The following CSMD1 variants were observed in gnomAD, a reference collection of about 807,000 sequenced individuals.
CSMD1 encodes CUB and sushi domain-containing protein 1.
A neutral mutation model predicts 417.5 loss-of-function variants in CSMD1; 213 were observed. The observed-to-expected ratio is 0.51, with a 90% confidence interval of 0.46 to 0.57. The LOEUF (loss-of-function observed/expected upper bound fraction) is 0.57, where lower values mean the gene tolerates loss of function less well. CSMD1 is among the 20% of genes least tolerant of loss of function. CSMD1 has a pLI of 0.00. For synonymous variants in CSMD1, 2,862 were observed against 1,736.8 expected, an observed-to-expected ratio of 1.65 and a Z score of -16.11; for missense variants, 6,923 against 4,529.7, an observed-to-expected ratio of 1.53 and a Z score of -15.17.
intron 5 of CSMD1, among the ~76,000 whole-genome samples, chr8:3,880,680 T>C (rs1280955326): frequency 6.6e-6 from 1 of 152,224 alleles, no homozygotes; most frequent in African/African-American, 2.4e-5. Flanking sequence ...AAGAAAGCTT[T>C]GCACACGTTT....
At chr8:4,658,503 T>C (rs949827124) in intron 1 of CSMD1, among the ~76,000 whole-genome samples, 4 of 152,088 alleles carry the variant, frequency 2.6e-5, no homozygotes, top group Non-Finnish European at 4.4e-5. Context: ...TCTATCAAAC[T>C]CACTATTCTA....
intron 6 of CSMD1, among the ~76,000 whole-genome samples, chr8:3,736,028 A>G (rs1049138471): frequency 2.0e-5 from 3 of 152,160 alleles, no homozygotes; most frequent in African/African-American, 7.2e-5. Context: ...AATAGAGGGA[A>G]TAGAAATACA....
At chr8:4,835,463 G>A (rs1017286334) in intron 1 of CSMD1, among the ~76,000 whole-genome samples, 6 of 152,172 alleles carry the variant, frequency 3.9e-5, no homozygotes, top group African/African-American at 1.4e-4. Context: ...TAAAGGGAGA[G>A]ACAGTGGATT....
intron 10 of CSMD1, among the ~76,000 whole-genome samples, chr8:3,571,417 G>A (rs1037265812): frequency 2.0e-5 from 3 of 152,166 alleles, no homozygotes; most frequent in Non-Finnish European, 4.4e-5. Context: ...ATATTGTTCT[G>A]AACTGGAAAG....
chr8:3,686,369 G>A (rs1799943621), intron 7 of CSMD1, among the ~76,000 whole-genome samples: 1 of 152,062 alleles, frequency 6.6e-6, no homozygotes, highest in Non-Finnish European at 1.5e-5. Flanking sequence ...TCTAGGATAG[G>A]GAGGTGCCGC....
intron 1 of CSMD1, among the ~76,000 whole-genome samples, chr8:4,909,428 G>T (rs1001535886): frequency 1.3e-5 from 2 of 152,148 alleles, no homozygotes; most frequent in Non-Finnish European, 2.9e-5. Context: ...TAGCAAGACA[G>T]GAAGGCTAAA....
At chr8:3,594,591 G>A (rs534871955) in intron 8 of CSMD1, among the ~76,000 whole-genome samples, 1 of 152,154 alleles carries the variant, frequency 6.6e-6, no homozygotes, top group East Asian at 1.9e-4. Context: ...CTGTTTTGAA[G>A]TTGCACGGTG....
chr8:3,418,756 G>C (rs1435441120), intron 12 of CSMD1, among the ~76,000 whole-genome samples: 1 of 152,092 alleles, frequency 6.6e-6, no homozygotes, highest in Non-Finnish European at 1.5e-5. Context: ...TGATCATGCA[G>C]ACACACGGGA....
intron 2 of CSMD1, among the ~76,000 whole-genome samples, chr8:4,615,551 G>C (rs1206217920): frequency 6.6e-6 from 1 of 152,156 alleles, no homozygotes; most frequent in Admixed American, 6.5e-5. Flanking sequence ...AAATGTGTGA[G>C]GGCCAATAGG....
intron 39 of CSMD1, among the ~76,000 whole-genome samples, chr8:3,157,368 T>C (rs1819600275): frequency 6.6e-6 from 1 of 152,118 alleles, no homozygotes; most frequent in African/African-American, 2.4e-5. Context: ...TCTCAAGCCA[T>C]TAAATACAGC....
intron 1 of CSMD1, among the ~76,000 whole-genome samples, chr8:4,838,175 C>G (rs767633526): frequency 2.0e-5 from 3 of 152,100 alleles, no homozygotes; most frequent in Non-Finnish European, 4.4e-5. Flanking sequence ...TGGAAGTTAG[C>G]TTGTGTGCAG....
intron 37 of CSMD1, among the ~76,000 whole-genome samples, chr8:3,178,688 C>T (rs115384574): frequency 1.1e-3 from 166 of 152,052 alleles, no homozygotes; most frequent in African/African-American, 3.9e-3. Context: ...AAGTAACAAG[C>T]GGTAACAAGT....
intron 3 of CSMD1, among the ~76,000 whole-genome samples, chr8:4,107,585 C>A (rs556792063): frequency 6.6e-6 from 1 of 152,130 alleles, no homozygotes; most frequent in East Asian, 1.9e-4. Context: ...TATAAGCAAG[C>A]GCTTTGTGAA....
chr8:4,879,062 CTT>C (rs1803230381), intron 1 of CSMD1, among the ~76,000 whole-genome samples: 1 of 151,886 alleles, frequency 6.6e-6, no homozygotes, highest in African/African-American at 2.4e-5. Flanking sequence ...GGTAGTAAGA[CTT>C]GATATTGTAG....
intron 10 of CSMD1, among the ~76,000 whole-genome samples, chr8:3,533,332 T>G (rs929348707): frequency 6.6e-5 from 10 of 152,274 alleles, no homozygotes; most frequent in African/African-American, 2.4e-4. Flanking sequence ...GTACAGCAGA[T>G]CTCTAGAACT....
At chr8:4,010,082 C>T (rs1410893088) in intron 4 of CSMD1, among the ~76,000 whole-genome samples, 1 of 152,206 alleles carries the variant, frequency 6.6e-6, no homozygotes, top group Non-Finnish European at 1.5e-5. Context: ...TACATTCCAA[C>T]TACTTCTGAC....
intron 3 of CSMD1, among the ~76,000 whole-genome samples, chr8:4,366,712 A>C (rs1802094910): frequency 6.6e-6 from 1 of 151,092 alleles, no homozygotes; most frequent in Admixed American, 6.6e-5. Context: ...CTTTTATTTT[A>C]TTATTATTAT....
chr8:4,394,541 T>C (rs1051828680), intron 3 of CSMD1, among the ~76,000 whole-genome samples: 1 of 152,204 alleles, frequency 6.6e-6, no homozygotes, highest in Non-Finnish European at 1.5e-5. Flanking sequence ...CTAAACTCAT[T>C]GCTTTGGAGC....
chr8:3,672,991 T>A (rs545407989), intron 7 of CSMD1, among the ~76,000 whole-genome samples: 1 of 152,246 alleles, frequency 6.6e-6, no homozygotes, highest in Admixed American at 6.5e-5. Context: ...GTACTTGTGT[T>A]GTAACACATA....
Sources: allele counts gnomAD v4.1 joint callset (sites outside exome capture counted in the v4.1 genomes callset), GRCh38; gene constraint gnomAD v4.1.1; transcripts MANE v1.5; gene names NCBI Gene and HGNC (gene_info 2026-07-23, HGNC 2026-07-21).